The following ENTREP2 variants were observed in gnomAD, a reference collection of about 807,000 sequenced individuals.
The protein encoded by ENTREP2 is endosomal transmembrane epsin interactor 2, also known as protein ENTREP2.
the ENTREP2 span, among the ~76,000 whole-genome samples, chr15:29,158,956 A>C: frequency 6.6e-6 from 1 of 152,342 alleles, no homozygotes; most frequent in East Asian, 1.9e-4. Flanking sequence ...TAATAATAAG[A>C]TTAACAGAGA....
chr15:29,119,672 C>CAA, the ENTREP2 span, among the ~76,000 whole-genome samples: 7 of 101,604 alleles, frequency 6.9e-5, no homozygotes, highest in African/African-American at 3.4e-4. Flanking sequence ...ACAATTCTAG[C>CAA]AAAAAAAAAA....
the ENTREP2 span, among the ~76,000 whole-genome samples, chr15:29,635,401 G>GC: frequency 6.6e-6 from 1 of 152,108 alleles, no homozygotes; most frequent in South Asian, 2.1e-4. Flanking sequence ...TATCACAGGG[G>GC]CCATGCTGGG....
At chr15:29,499,416 C>T in the ENTREP2 span, among the ~76,000 whole-genome samples, 1 of 152,104 alleles carries the variant, frequency 6.6e-6, no homozygotes, top group Admixed American at 6.6e-5. Flanking sequence ...CAGAGGCTTG[C>T]TCTGTTGCCC....
At chr15:29,448,998 A>G in the ENTREP2 span, among the ~76,000 whole-genome samples, 1 of 152,144 alleles carries the variant, frequency 6.6e-6, no homozygotes, top group African/African-American at 2.4e-5. Context: ...CCTGGGATGG[A>G]GCACCTCCTT....
At chr15:29,188,770 G>A in the ENTREP2 span, among the ~76,000 whole-genome samples, 4 of 152,196 alleles carry the variant, frequency 2.6e-5, no homozygotes, top group African/African-American at 7.2e-5. Flanking sequence ...CCATGATGAC[G>A]AGCTTGGGGC....
chr15:29,234,398 G>A, the ENTREP2 span: 1 of 1,551,242 alleles, frequency 6.4e-7, no homozygotes, highest in Non-Finnish European at 8.9e-7. Flanking sequence ...ATTAAGATGG[G>A]AAGCAATAAA....
the ENTREP2 span, among the ~76,000 whole-genome samples, chr15:29,216,843 A>G: frequency 1.2e-4 from 19 of 152,254 alleles, no homozygotes; most frequent in East Asian, 3.3e-3. Flanking sequence ...TAATACTGTG[A>G]ACCATTGTTT....
At chr15:29,657,483 CGGGGGGGGGG>C in the ENTREP2 span, among the ~76,000 whole-genome samples, 2 of 69,382 alleles carry the variant, frequency 2.9e-5, no homozygotes, top group African/African-American at 1.2e-4. Flanking sequence ...GCTGGGGGGG[CGGGGGGGGGG>C]GGTGGCCAGC....
At chr15:29,146,495 G>A in the ENTREP2 span, among the ~76,000 whole-genome samples, 3 of 152,138 alleles carry the variant, frequency 2.0e-5, no homozygotes, top group Non-Finnish European at 2.9e-5. Flanking sequence ...AAATAAACAC[G>A]TATATCTATG....
the ENTREP2 span, among the ~76,000 whole-genome samples, chr15:29,170,703 G>C: frequency 6.6e-6 from 1 of 152,138 alleles, no homozygotes; most frequent in Non-Finnish European, 1.5e-5. Context: ...ACAGTGACAA[G>C]GCTTGCCTTT....
the ENTREP2 span, among the ~76,000 whole-genome samples, chr15:29,528,609 A>G: frequency 6.6e-6 from 1 of 152,212 alleles, no homozygotes; most frequent in Non-Finnish European, 1.5e-5. Context: ...AAATGAGTCA[A>G]ATGATACTTC....
At chr15:29,554,396 G>A in the ENTREP2 span, among the ~76,000 whole-genome samples, 1 of 151,268 alleles carries the variant, frequency 6.6e-6, no homozygotes, top group Non-Finnish European at 1.5e-5. Flanking sequence ...GGGAGAGAGG[G>A]AGGAAAGGAG....
the ENTREP2 span, among the ~76,000 whole-genome samples, chr15:29,133,457 C>T: frequency 2.6e-5 from 4 of 152,158 alleles, no homozygotes; most frequent in East Asian, 1.9e-4. Context: ...GCCACACCTG[C>T]GCTCCCCTGC....
the ENTREP2 span, among the ~76,000 whole-genome samples, chr15:29,400,632 CAT>C: frequency 6.6e-6 from 1 of 152,286 alleles, no homozygotes; most frequent in South Asian, 2.1e-4. Flanking sequence ...TAAATTAAAA[CAT>C]AAATATTTGA....
the ENTREP2 span, among the ~76,000 whole-genome samples, chr15:29,388,952 C>T: frequency 4.1e-4 from 42 of 103,396 alleles, no homozygotes; most frequent in African/African-American, 1.1e-3. Context: ...CATCACACAC[C>T]GGGGCCTGTT....
the ENTREP2 span, chr15:29,252,307 T>C: frequency 1.0e-6 from 1 of 985,916 alleles, no homozygotes; most frequent in Non-Finnish European, 1.5e-6. Flanking sequence ...TTTTTAAAAT[T>C]GCTCTTGTAC....
the ENTREP2 span, among the ~76,000 whole-genome samples, chr15:29,270,127 A>G: frequency 3.3e-5 from 5 of 149,806 alleles, no homozygotes; most frequent in African/African-American, 4.9e-5. Flanking sequence ...AACGTGTGAG[A>G]AAAAAAAAAG....
chr15:29,590,458 A>G, the ENTREP2 span, among the ~76,000 whole-genome samples: 245 of 152,040 alleles, frequency 1.6e-3, 1 homozygote, highest in African/African-American at 5.6e-3. Context: ...CGAGGTGGGC[A>G]GATCACCTGA....
the ENTREP2 span, among the ~76,000 whole-genome samples, chr15:29,633,721 G>A: frequency 6.6e-6 from 1 of 152,188 alleles, no homozygotes; most frequent in East Asian, 1.9e-4. Flanking sequence ...AGCACTTTGG[G>A]AGGCCGATGT....
Sources: allele counts gnomAD v4.1 joint callset (sites outside exome capture counted in the v4.1 genomes callset), GRCh38; gene constraint gnomAD v4.1.1; transcripts MANE v1.5; gene names NCBI Gene and HGNC (gene_info 2026-07-23, HGNC 2026-07-21).